The following HMBOX1 variants were observed in gnomAD, a reference collection of about 807,000 sequenced individuals.
The protein encoded by HMBOX1 is homeobox containing 1.
In HMBOX1, 14 loss-of-function variants were observed where a neutral mutation model predicts 54.5. That is an observed-to-expected ratio of 0.26 (90% CI 0.17 to 0.40). The LOEUF is 0.40. Ranked by LOEUF, HMBOX1 falls within the 10% of genes least tolerant of loss-of-function variation. HMBOX1 has a pLI of 1.00. For synonymous variants in HMBOX1, 160 were observed against 181.0 expected (o/e 0.88, Z 0.93); for missense variants, 332 against 514.4 (o/e 0.65, Z 3.43).
At chr8:29,050,889 A>G (rs931458379) in intron 9 of HMBOX1, 129 bp from the exon 10 acceptor site, 7 of 779,756 alleles carry the variant, frequency 9.0e-6, no homozygotes, top group South Asian at 3.7e-5. Flanking sequence ...ATTTACCTCT[A>G]TTTTATCATG....
chr8:28,932,343 T>C (rs1360726404), intron 1 of HMBOX1, among the ~76,000 whole-genome samples: 2 of 152,214 alleles, frequency 1.3e-5, no homozygotes, highest in Admixed American at 6.5e-5. Flanking sequence ...TATGACATTA[T>C]TTGAGTTATG....
chr8:28,945,944 C>CTTTT (rs58698981), intron 1 of HMBOX1, among the ~76,000 whole-genome samples: 1 of 129,248 alleles, frequency 7.7e-6, no homozygotes, highest in Admixed American at 7.8e-5. Flanking sequence ...AGGGCATATT[C>CTTTT]TTTTTTTTTT....
At chr8:28,900,271 A>AATATATATATATATAT (rs1554519263) in intron 1 of HMBOX1, among the ~76,000 whole-genome samples, 53 of 70,306 alleles carry the variant, frequency 7.5e-4, no homozygotes, top group Middle Eastern at 9.3e-3. Context: ...AAAAAAAAAA[A>AATATATATATATATAT]ATATATATAT....
chr8:29,050,312 A>G (rs1380512002), intron 9 of HMBOX1: 5 of 690,558 alleles, frequency 7.2e-6, no homozygotes, highest in Non-Finnish European at 8.9e-6. Context: ...ACATCCTGCA[A>G]TGCCAGCTTC....
chr8:29,043,423 G>C (rs2133336750), intron 6 of HMBOX1, among the ~76,000 whole-genome samples: 1 of 152,328 alleles, frequency 6.6e-6, no homozygotes, highest in African/African-American at 2.4e-5. Flanking sequence ...TGCTGCCTCA[G>C]TGCTCTGTCC....
chr8:29,032,727 T>A (rs927991091), intron 6 of HMBOX1, among the ~76,000 whole-genome samples: 1 of 152,216 alleles, frequency 6.6e-6, no homozygotes, highest in Non-Finnish European at 1.5e-5. Flanking sequence ...TAGTGCTGTA[T>A]GTAAAGTCTG....
chr8:28,975,087 C>T (rs1048681248), intron 3 of HMBOX1, among the ~76,000 whole-genome samples: 1 of 152,198 alleles, frequency 6.6e-6, no homozygotes, highest in African/African-American at 2.4e-5. Context: ...TATAAATTAT[C>T]TAGATCAGGC....
chr8:28,929,539 G>A (rs745483001), intron 1 of HMBOX1, among the ~76,000 whole-genome samples: 4 of 152,146 alleles, frequency 2.6e-5, no homozygotes, highest in Non-Finnish European at 5.9e-5. Flanking sequence ...GAATGAGAGC[G>A]TGTAAGATAC....
chr8:28,947,343 T>C (rs1042622264), intron 1 of HMBOX1, among the ~76,000 whole-genome samples: 1 of 152,232 alleles, frequency 6.6e-6, no homozygotes, highest in African/African-American at 2.4e-5. Flanking sequence ...TGAACCACTA[T>C]CTGACTGCCC....
At chr8:29,007,541 G>A (rs1586438666) in intron 4 of HMBOX1, among the ~76,000 whole-genome samples, 1 of 152,176 alleles carries the variant, frequency 6.6e-6, no homozygotes, top group Non-Finnish European at 1.5e-5. Context: ...TTTCCAGGCT[G>A]GGCATGGTGG....
In HMBOX1 at chr8:29,045,454, A is replaced by G; in HGVS notation, c.934+11A>G. The G allele has an allele frequency of 6.2e-7, 1 of 1,610,302 alleles. No individual in the cohort carries two copies. The highest frequency in any genetic ancestry group is 8.5e-7 in the Non-Finnish European group (1 of 1,176,618). ...TTATACAGAAGCCAGGTAAGGTCGC[A>G]GGCACAGCCTTGCTCTGCGGTGCAG... On this transcript the variant is annotated intron_variant, in intron 7 of 9. Coordinates refer to ENST00000287701, the MANE Select transcript of HMBOX1 (RefSeq NM_001135726.3).
At chr8:29,024,314 CATT>C (rs902678494) in intron 6 of HMBOX1, among the ~76,000 whole-genome samples, 3 of 152,132 alleles carry the variant, frequency 2.0e-5, no homozygotes, top group Non-Finnish European at 4.4e-5. Flanking sequence ...TGAGAAAAGG[CATT>C]ATAATGTTAG....
intron 6 of HMBOX1, among the ~76,000 whole-genome samples, chr8:29,019,781 A>G (rs963476615): frequency 6.6e-6 from 1 of 152,212 alleles, no homozygotes; most frequent in Non-Finnish European, 1.5e-5. Flanking sequence ...TATGTCATCT[A>G]AGACTTTTGC....
At chr8:29,041,721 A>G (rs1356118849) in intron 6 of HMBOX1, among the ~76,000 whole-genome samples, 1 of 152,128 alleles carries the variant, frequency 6.6e-6, no homozygotes, top group Non-Finnish European at 1.5e-5. Flanking sequence ...CTTGCAAGAG[A>G]AAGGCACAGA....
At chr8:28,898,045 T>C (rs1215549316) in intron 1 of HMBOX1, among the ~76,000 whole-genome samples, 4 of 152,218 alleles carry the variant, frequency 2.6e-5, no homozygotes, top group African/African-American at 7.2e-5. Context: ...GCCATATGAT[T>C]ATAAAGCCTG....
intron 1 of HMBOX1, among the ~76,000 whole-genome samples, chr8:28,916,925 A>G (rs953731309): frequency 6.6e-6 from 1 of 151,958 alleles, no homozygotes; most frequent in African/African-American, 2.4e-5. Flanking sequence ...AAATTAGCCA[A>G]ACTTAGTGAT....
rs1387572388 is a variant in HMBOX1, at chr8:28,970,363, A to G, written c.344A>G (p.Asn115Ser). ...ACTTCCCCACAGCCTTGCACTACCA[A>G]TCAAAATGGGAGGGAGAATAATGAG... ...YDTSPQPCTT[N>S]QNGRENNERL... The change falls in exon 3 of 10, where the codon AAT becomes AGT. Residue 115 changes from asparagine (N) to serine (S), a missense_variant. By Grantham distance (46) the Asn-to-Ser change is conservative. Around this residue, in one of 4 missense-constraint regions of HMBOX1, gnomAD observed 146 missense variants for 173.3 expected, o/e 0.84. Transcript: ENST00000287701. This position sits in a 1 kb window ranked among gnomAD's most constrained non-coding sequence, Gnocchi z 4.3. 32 of 1,614,176 alleles carry G rather than the reference A, an allele frequency of 2.0e-5. No individual in the cohort carries two copies. The highest frequency in any genetic ancestry group is 2.5e-5 in the Non-Finnish European group (30 of 1,180,014).
chr8:28,976,769 C>T (rs1406803457), intron 3 of HMBOX1, among the ~76,000 whole-genome samples: 1 of 148,050 alleles, frequency 6.8e-6, no homozygotes, highest in Non-Finnish European at 1.5e-5. Context: ...TGCAGTGGCA[C>T]GTTTTCGGCT....
chr8:28,973,836 A>G (rs1259263675), intron 3 of HMBOX1, among the ~76,000 whole-genome samples: 2 of 29,518 alleles, frequency 6.8e-5, no homozygotes, highest in East Asian at 1.7e-3. Context: ...TTTTTTTTTG[A>G]GACAGTCTCG....
Sources: allele counts gnomAD v4.1 joint callset (sites outside exome capture counted in the v4.1 genomes callset), GRCh38; gene constraint gnomAD v4.1.1; regional missense constraint gnomAD v4.1.1; non-coding constraint Gnocchi (gnomAD v3.1); transcripts MANE v1.5; gene names NCBI Gene and HGNC (gene_info 2026-07-23, HGNC 2026-07-21).